The following ASNSD1 variants were observed in gnomAD, a reference collection of about 807,000 sequenced individuals.
The protein encoded by ASNSD1 is asparagine synthetase domain-containing protein 1.
In ASNSD1, 36 loss-of-function variants were observed where a neutral mutation model predicts 48.3. The observed-to-expected ratio is 0.75, with a 90% CI of 0.57 to 0.99. The LOEUF is 0.99. Among genes scored for constraint, ASNSD1 ranks in the 50% least tolerant of loss-of-function variants. The pLI, the probability that ASNSD1 is intolerant of heterozygous loss-of-function variation, is 0.00. For missense variants in ASNSD1, 714 were observed against 758.2 expected, an observed-to-expected ratio of 0.94 and a Z score of 0.69; for synonymous variants, 257 against 262.1, an observed-to-expected ratio of 0.98 and a Z score of 0.19.
chr2:189,667,157 A>AT lies in ASNSD1; in HGVS notation c.1026dup (p.Ile343TyrfsTer5), dbSNP rs1256841656. On this transcript the variant is annotated frameshift_variant, in exon 4 of 6. Coordinates refer to ENST00000260952, the MANE Select transcript of ASNSD1 (RefSeq NM_019048.4). LOFTEE classifies it high-confidence loss of function. Reference sequence around the variant, plus strand: ...GTTATTGCAACCCTTGCTGACCGTCATATTCCTTTAGATGAACCAATTGAT... The same window carrying AT: ...GTTATTGCAACCCTTGCTGACCGTCATTATTCCTTTAGATGAACCAATTGAT... 1 of 1,614,248 alleles carries AT rather than the reference A, an allele frequency of 6.2e-7. No homozygotes were observed.
Position 189,668,132 on chromosome 2 carries a change from T to C in ASNSD1, c.1646+187T>C, listed in dbSNP as rs542424134. On this transcript the variant is annotated intron_variant, in intron 5 of 5. Transcript: ENST00000260952. ...GGAAGAGCCAGGAGAGCATTTATTT[T>C]CTAGAACTCATTCTCTAAGAAATGT... 1.8e-4 allele frequency among the ~76,000 whole-genome samples: 28 copies of C among 152,336 alleles called. No homozygotes were observed. The South Asian group carries it at 4.6e-3, about 25-fold the overall frequency.
chr2:189,667,618 C>T, intron 4 of ASNSD1, 22 bp downstream of exon 4: 1 of 1,558,420 alleles, frequency 6.4e-7, no homozygotes, highest in Non-Finnish European at 8.7e-7. Context: ...TGTTTCTTCT[C>T]CTGAGAATTC....
Position 189,666,377 on chromosome 2 carries a change from G to T in ASNSD1, c.245G>T (p.Gly82Val), listed in dbSNP as rs772012444. 4 of 1,613,894 alleles carry T rather than the reference G, an allele frequency of 2.5e-6. No homozygotes were observed. The highest frequency in any genetic ancestry group is 3.4e-6 in the Non-Finnish European group (4 of 1,179,914). ...CTATGGAATGGAGAAATTTTTAGTG[G>T]AATAAAGGTTGAAGCTGAAGAGAAT... Reference protein sequence around the residue: ...VFLWNGEIFSGIKVEAEENDT... With the variant: ...VFLWNGEIFSVIKVEAEENDT... Residue 82 changes from glycine (G) to valine (V), a missense_variant, in exon 4 of 6, where the codon GGA becomes GTA. By Grantham distance (109) the Gly-to-Val change is moderately radical (BLOSUM62 -3). Coordinates refer to ENST00000260952, the MANE Select transcript of ASNSD1 (RefSeq NM_019048.4).
chr2:189,665,481 G>A, intron 3 of ASNSD1, 30 bp downstream of exon 3: 1 of 395,398 alleles, frequency 2.5e-6, no homozygotes, highest in East Asian at 3.6e-5. Context: ...GGGTTTTTGG[G>A]GGGTGCCTAA....
At position 189,663,896 on chromosome 2, in the gene ASNSD1, A is replaced by C. The variant is rs759880225; in HGVS notation, c.-222-5A>C. The C allele has an allele frequency of 6.2e-5, 24 of 387,366 alleles. No homozygotes were observed. Among genetic ancestry groups the C allele is most frequent in the Non-Finnish European group, 9.6e-5 (21 of 218,122 alleles). 24.0% of individuals were successfully genotyped at this position (387,366 alleles called of 1,614,324 possible). A position where few individuals can be genotyped will look rare whatever the true frequency, so the allele number is the denominator to read the frequency against. On this transcript the variant is annotated splice_polypyrimidine_tract_variant and splice_region_variant and intron_variant, in intron 1 of 5. Coordinates refer to ENST00000260952, the MANE Select transcript of ASNSD1 (RefSeq NM_019048.4). Reference sequence around the variant, plus strand: ...GACTTAAGGAGTTTTTCTTTATTTCAATAGATTAAAGAACAAAAAATTGTG... The same window carrying C: ...GACTTAAGGAGTTTTTCTTTATTTCCATAGATTAAAGAACAAAAAATTGTG...
At chr2:189,664,123 G>C (rs957508854) in intron 2 of ASNSD1, among the ~76,000 whole-genome samples, 169 bp downstream of exon 2, 7 of 152,114 alleles carry the variant, frequency 4.6e-5, no homozygotes, top group Admixed American at 2.6e-4. Context: ...TAAATGGATA[G>C]ATCTCATAGC....
intron 1 of ASNSD1, 39 bp downstream of exon 1, chr2:189,661,649 G>A (rs1255216820): frequency 2.5e-6 from 1 of 399,214 alleles, no homozygotes; most frequent in African/African-American, 2.1e-5. Context: ...CTGGACTCGG[G>A]ACCGGGCGCC....
Position 189,667,004 on chromosome 2 carries a change from G to C in ASNSD1, c.872G>C (p.Ser291Thr). 6.2e-7 allele frequency: 1 copy of C among 1,614,154 alleles called. No individual in the cohort carries two copies. The change falls in exon 4 of 6, where the codon AGT becomes ACT. Residue 291 changes from serine to threonine, a missense_variant. Physicochemically the swap from Ser to Thr is moderately conservative, Grantham distance 58. Coordinates refer to ENST00000260952, the MANE Select transcript of ASNSD1 (RefSeq NM_019048.4). Reference sequence around the variant, plus strand: ...ATTCAGCAGTTCATTGATGTCCTGAGTGTAGCAGTCAAGAAACGTGTCTTG... The same window carrying C: ...ATTCAGCAGTTCATTGATGTCCTGACTGTAGCAGTCAAGAAACGTGTCTTG... ...EVIQQFIDVL[S>T]VAVKKRVLCL...
At chr2:189,667,700 T>G (rs1244825229) in intron 4 of ASNSD1, 64 bp from the exon 5 acceptor site, 3 of 1,542,888 alleles carry the variant, frequency 1.9e-6, no homozygotes, top group Non-Finnish European at 2.6e-6. Flanking sequence ...TTAGGTGCAT[T>G]TATCTTATTT....
intron 5 of ASNSD1, among the ~76,000 whole-genome samples, chr2:189,670,195 A>G (rs1387886630): frequency 3.3e-5 from 5 of 151,818 alleles, no homozygotes; most frequent in Admixed American, 3.3e-4. Context: ...CTAGGCAAAA[A>G]AAAAAAAAAA....
At chr2:189,665,923 A>G (rs1242770973) in intron 3 of ASNSD1, 118 bp from the exon 4 acceptor site, 1 of 475,998 alleles carries the variant, frequency 2.1e-6, no homozygotes, top group Non-Finnish European at 3.7e-6. Context: ...GTACTGGCAC[A>G]GTGTGTGTGT....
intron 5 of ASNSD1, among the ~76,000 whole-genome samples, chr2:189,669,998 T>C (rs1307717485): frequency 2.0e-5 from 3 of 152,050 alleles, no homozygotes; most frequent in African/African-American, 4.8e-5. Context: ...CAGACACAGA[T>C]TGAATAGTTA....
chr2:189,669,381 G>A (rs957293956), intron 5 of ASNSD1, among the ~76,000 whole-genome samples: 1 of 152,202 alleles, frequency 6.6e-6, no homozygotes, highest in African/African-American at 2.4e-5. Context: ...CCTTACTTAT[G>A]AAAGTATTAT....
intron 5 of ASNSD1, 121 bp from the exon 6 acceptor site, chr2:189,670,320 A>T: frequency 1.5e-6 from 1 of 675,768 alleles, no homozygotes; most frequent in Non-Finnish European, 2.4e-6. Flanking sequence ...TTTGTAGTAT[A>T]TGTATTAAAA....
At position 189,663,910 on chromosome 2, in the gene ASNSD1, C is replaced by T; in HGVS notation, c.-213C>T. On this transcript the variant is annotated 5_prime_UTR_variant, in exon 2 of 6. The change creates a premature stop within an existing upstream ORF in the 5' untranslated region. Transcript: ENST00000260952. ...TTCTTTATTTCAATAGATTAAAGAA[C>T]AAAAAATTGTGGTGGATGAACTTTC... 1 of 387,862 alleles carries T rather than the reference C, an allele frequency of 2.6e-6. No homozygotes were observed. The highest frequency in any genetic ancestry group is 4.6e-6 in the Non-Finnish European group (1 of 218,436). 24.0% of individuals were successfully genotyped at this position (387,862 alleles called of 1,614,324 possible).
chr2:189,665,630 A>ATATATATATATATATG (rs1559034495), intron 3 of ASNSD1, among the ~76,000 whole-genome samples, 179 bp downstream of exon 3: 5 of 97,550 alleles, frequency 5.1e-5, no homozygotes, highest in African/African-American at 1.9e-4. Flanking sequence ...ATATATATAT[A>ATATATATATATATATG]TATATATATA....
chr2:189,666,686 C>G lies in ASNSD1; in HGVS notation c.554C>G (p.Ser185Cys). 2 of 1,613,114 alleles carry G rather than the reference C, an allele frequency of 1.2e-6. No homozygotes were observed. The highest frequency in any genetic ancestry group is 1.7e-4 in the Middle Eastern group (1 of 6,060). ...GGACTTTTCAGAATTGATCTTAAGTCTACTGTCATTTCCGGATGCATTATT... is the reference window on the plus strand; with the variant it reads ...GGACTTTTCAGAATTGATCTTAAGTGTACTGTCATTTCCGGATGCATTATT... Reference protein sequence around the residue: ...ASGLFRIDLKSTVISGCIILQ... With the variant: ...ASGLFRIDLKCTVISGCIILQ... Residue 185 changes from serine to cysteine, a missense_variant, in exon 4 of 6, where the codon TCT (serine) becomes TGT (cysteine). Physicochemically the swap from Ser to Cys is moderately radical, Grantham distance 112. Transcript: ENST00000260952.
At position 189,665,455 on chromosome 2, in the gene ASNSD1, A is replaced by G; in HGVS notation, c.-93+4A>G. 1 of 397,586 alleles carries G rather than the reference A, an allele frequency of 2.5e-6. No individual in the cohort carries two copies. The allele number at this position is 397,586 out of a possible 1,614,324, so 24.6% of individuals were successfully genotyped here. A position where few individuals can be genotyped will look rare whatever the true frequency, so the allele number is the denominator to read the frequency against. On this transcript the variant is annotated splice_donor_region_variant and intron_variant, in intron 3 of 5. Coordinates refer to ENST00000260952, the MANE Select transcript of ASNSD1 (RefSeq NM_019048.4). ...GAAATGCTGTCTGAGAGCAAGAGTAAGTTTTTTCTTTTTTGGGGTTTTTGG... is the reference window on the plus strand; with the variant it reads ...GAAATGCTGTCTGAGAGCAAGAGTAGGTTTTTTCTTTTTTGGGGTTTTTGG...
Position 189,666,539 on chromosome 2 carries a change from ATTT to A in ASNSD1, c.412_414del (p.Phe138del). 4 of 1,613,704 alleles carry A rather than the reference ATTT, an allele frequency of 2.5e-6. No homozygotes were observed. In the Admixed American group the frequency reaches 5.0e-5, roughly 20 times the overall value. Reference sequence around the variant, plus strand: ...AGTCATTATTTATGGTTTGGTAGGGATTTTTTTGGTCGCCGTAGCTTGCTTTGG... The same window carrying A: ...AGTCATTATTTATGGTTTGGTAGGGATTTTGGTCGCCGTAGCTTGCTTTGG... On this transcript the variant is annotated inframe_deletion, in exon 4 of 6. Transcript: ENST00000260952.
Sources: allele counts gnomAD v4.1 joint callset (sites outside exome capture counted in the v4.1 genomes callset), GRCh38; gene constraint gnomAD v4.1.1; transcripts MANE v1.5; gene names NCBI Gene and HGNC (gene_info 2026-07-23, HGNC 2026-07-21).